DPP4: variants seen among roughly 807,000 people sequenced by gnomAD.
The protein encoded by DPP4 is ADCP-2.
DPP4 carries 93 observed loss-of-function variants against 122.4 expected under a neutral mutation model. That is an observed-to-expected ratio of 0.76 (90% CI 0.64 to 0.90). The LOEUF (loss-of-function observed/expected upper bound fraction) is 0.90. Ranked by LOEUF, DPP4 falls within the 40% of genes least tolerant of loss-of-function variation. DPP4 has a pLI of 0.00. For synonymous variants in DPP4, 321 were observed against 302.9 expected, an observed-to-expected ratio of 1.06 and a Z score of -0.62; for missense variants, 914 against 907.3, an observed-to-expected ratio of 1.01 and a Z score of -0.09.
intron 19 of DPP4, among the ~76,000 whole-genome samples, chr2:162,013,801 G>A (rs867810930): frequency 6.6e-6 from 1 of 152,136 alleles, no homozygotes; most frequent in Non-Finnish European, 1.5e-5. Flanking sequence ...AAAGTAGGGT[G>A]TATTCCTAAT....
intron 11 of DPP4, 131 bp downstream of exon 11, chr2:162,024,673 G>A (rs988739943): frequency 3.2e-6 from 4 of 1,256,050 alleles, no homozygotes; most frequent in Admixed American, 2.3e-5. Flanking sequence ...TATTGCCTCA[G>A]GATCAGACAG....
chr2:162,073,293 G>A (rs934690561), intron 2 of DPP4, 106 bp downstream of exon 2: 2 of 1,093,600 alleles, frequency 1.8e-6, no homozygotes, highest in East Asian at 2.4e-5. Flanking sequence ...ACACTTCGGG[G>A]CACTGGTCCA....
intron 2 of DPP4, among the ~76,000 whole-genome samples, chr2:162,051,888 G>A (rs1001867219): frequency 2.0e-5 from 3 of 152,156 alleles, no homozygotes; most frequent in Admixed American, 6.5e-5. Flanking sequence ...CTTGCCTTGG[G>A]GCCTTGGGAA....
Position 162,018,755 on chromosome 2 carries a change from G to T in DPP4, c.1394C>A (p.Ala465Glu). ...QYYSVSFSKE[A>E]KYYQLRCSGP... ...GGAACATCTCAGCTGATAATACTTC[G>T]CCTCTTTACTGAATGACACAGAATA... The change falls in exon 16 of 26, where the codon GCG becomes GAG. Residue 465 changes from alanine to glutamate, a missense_variant. Transcript: ENST00000360534. The T allele has an allele frequency of 3.7e-6, 6 of 1,614,046 alleles. No homozygotes were observed. Among genetic ancestry groups the T allele is most frequent in the Non-Finnish European group, 5.1e-6 (6 of 1,180,012 alleles).
At chr2:162,055,038 CA>C (rs1684518993) in intron 2 of DPP4, among the ~76,000 whole-genome samples, 1 of 152,172 alleles carries the variant, frequency 6.6e-6, no homozygotes, top group African/African-American at 2.4e-5. Context: ...TCCTCTGAAG[CA>C]CCTAACGGTG....
intron 23 of DPP4, among the ~76,000 whole-genome samples, chr2:162,002,636 T>G (rs1701179634): frequency 2.0e-5 from 3 of 150,748 alleles, no homozygotes; most frequent in African/African-American, 7.3e-5. Context: ...TCAAAAAGGA[T>G]GTGAGGAAGA....
At chr2:162,027,372 C>G (rs1683367850) in intron 10 of DPP4, among the ~76,000 whole-genome samples, 1 of 151,652 alleles carries the variant, frequency 6.6e-6, no homozygotes, top group South Asian at 2.1e-4. Context: ...AAGTAAAAAC[C>G]ATTCTTACTT....
At chr2:162,055,495 G>A (rs113082932) in intron 2 of DPP4, among the ~76,000 whole-genome samples, 29,383 of 151,846 alleles carry the variant, frequency 0.19, 3,026 homozygotes, top group Middle Eastern at 0.26. Context: ...TCAGGAGTTC[G>A]AGACCAGCCT....
At chr2:161,995,903 C>T (rs1448327300) in intron 23 of DPP4, among the ~76,000 whole-genome samples, 1 of 152,186 alleles carries the variant, frequency 6.6e-6, no homozygotes, top group Non-Finnish European at 1.5e-5. Flanking sequence ...AATATTACCT[C>T]TTTGGGAACA....
At chr2:162,031,734 T>C (rs1465570299) in intron 10 of DPP4, among the ~76,000 whole-genome samples, 1 of 152,168 alleles carries the variant, frequency 6.6e-6, no homozygotes, top group Non-Finnish European at 1.5e-5. Flanking sequence ...ATTCTATTGC[T>C]CGTATCTCTC....
chr2:162,071,499 G>T, intron 2 of DPP4, among the ~76,000 whole-genome samples: 1 of 152,172 alleles, frequency 6.6e-6, no homozygotes, highest in East Asian at 1.9e-4. Context: ...AAAATTATCC[G>T]GGCGTGGTGG....
In DPP4 at chr2:162,003,857, A is replaced by T. The variant is rs186994306; in HGVS notation, c.2052+1888T>A. On this transcript the variant is annotated intron_variant, in intron 23 of 25. Coordinates refer to ENST00000360534, the MANE Select transcript of DPP4 (RefSeq NM_001935.4). Reference sequence around the variant, plus strand: ...TTGAATAGCTTGTACACCTTGAATAACTAACAGTACTGAAGAGGGGAAAAT... The same window carrying T: ...TTGAATAGCTTGTACACCTTGAATATCTAACAGTACTGAAGAGGGGAAAAT... 1.7e-4 allele frequency among the ~76,000 whole-genome samples: 26 copies of T among 152,356 alleles called. 1 individual carries two copies. In the East Asian group the frequency reaches 4.6e-3, roughly 27 times the overall value.
intron 7 of DPP4, 130 bp downstream of exon 7, chr2:162,038,819 G>T: frequency 1.2e-6 from 1 of 804,614 alleles, no homozygotes; most frequent in Non-Finnish European, 2.0e-6. Flanking sequence ...ATTAGATCCT[G>T]GGCAATAACA....
chr2:162,026,213 C>T (rs1010763270), intron 10 of DPP4, among the ~76,000 whole-genome samples: 2 of 152,106 alleles, frequency 1.3e-5, no homozygotes, highest in African/African-American at 4.8e-5. Flanking sequence ...CTGGATAAAG[C>T]CCTTTAAGCC....
At chr2:162,012,431 G>A (rs142694721) in intron 19 of DPP4, among the ~76,000 whole-genome samples, 2 of 152,146 alleles carry the variant, frequency 1.3e-5, no homozygotes, top group East Asian at 3.9e-4. Flanking sequence ...TTTGACTTCT[G>A]CATCATATGC....
intron 10 of DPP4, among the ~76,000 whole-genome samples, chr2:162,031,640 C>T (rs1468907330): frequency 3.3e-5 from 5 of 152,146 alleles, no homozygotes; most frequent in Non-Finnish European, 7.3e-5. Context: ...GGAAGCCAAC[C>T]TGCTCAATCT....
At chr2:162,057,547 C>T (rs1461815112) in intron 2 of DPP4, among the ~76,000 whole-genome samples, 1 of 152,162 alleles carries the variant, frequency 6.6e-6, no homozygotes, top group Non-Finnish European at 1.5e-5. Flanking sequence ...GCAGTAGCAC[C>T]TGCTCCAGCC....
intron 22 of DPP4, among the ~76,000 whole-genome samples, chr2:162,006,989 CA>C (rs1474882129): frequency 6.6e-6 from 1 of 152,048 alleles, no homozygotes; most frequent in Non-Finnish European, 1.5e-5. Context: ...TTACAAACTA[CA>C]CTAATGAGTG....
intron 10 of DPP4, 23 bp from the exon 11 acceptor site, chr2:162,024,962 G>A (rs1346393080): frequency 2.5e-6 from 4 of 1,609,234 alleles, no homozygotes; most frequent in Non-Finnish European, 3.4e-6. Flanking sequence ...AAGAAAGGAA[G>A]GACAGAGAGA....
Sources: gnomAD v4.1 joint callset for allele counts (sites outside exome capture counted in the v4.1 genomes callset) on GRCh38, gnomAD v4.1.1 for gene constraint, MANE v1.5 for transcripts, NCBI Gene and HGNC (gene_info 2026-07-23, HGNC 2026-07-21) for gene names.